The following CACNG8 variants were observed in gnomAD, a reference collection of about 807,000 sequenced individuals.
The protein encoded by CACNG8 is calcium voltage-gated channel auxiliary subunit gamma 8, also known as voltage-dependent calcium channel gamma-8 subunit.
A neutral mutation model predicts 26.9 loss-of-function variants in CACNG8; 5 were observed. The ratio of observed to expected loss-of-function variants is 0.19; its 90% CI spans 0.10 to 0.39. The LOEUF (loss-of-function observed/expected upper bound fraction) is 0.39, where lower values mean the gene tolerates loss of function less well. CACNG8 is among the 10% of genes least tolerant of loss of function. The pLI, the probability that CACNG8 is intolerant of heterozygous loss-of-function variation, is 1.00. For missense variants in CACNG8, 473 were observed against 609.4 expected (o/e 0.78, Z 2.36); for synonymous variants, 321 against 296.7 (o/e 1.08, Z -0.84).
rs1362217331 is a variant in CACNG8 at position 53,978,202 on chromosome 19, G to A, written c.340G>A (p.Asp114Asn). 1 of 1,612,992 alleles carries A rather than the reference G, an allele frequency of 6.2e-7. No individual in the cohort carries two copies. The highest frequency in any genetic ancestry group is 8.5e-7 in the Non-Finnish European group (1 of 1,179,764). ...TCATTTCCCGGAGGACACGGACTAC[G>A]ACCACGACAGCGCGGAGTATCTACT... The change falls in exon 2 of 4, where the codon GAC becomes AAC. Residue 114 changes from aspartate (D) to asparagine (N), a missense_variant. Asp to Asn is a conservative substitution (Grantham distance 23). This residue lies in a region of CACNG8 where 155 missense variants were observed against 253.0 expected (regional missense o/e 0.61). Coordinates refer to ENST00000270458, the MANE Select transcript of CACNG8 (RefSeq NM_031895.6).
chr19:53,989,326 G>A lies in CACNG8; in HGVS notation c.*6477G>A, dbSNP rs2069426430. On this transcript the variant is annotated 3_prime_UTR_variant, in exon 4 of 4. Coordinates refer to ENST00000270458, the MANE Select transcript of CACNG8 (RefSeq NM_031895.6). The stretch of plus-strand genomic sequence containing the variant: ...GTCAAAGACAAGAAGGTGATACAGA[G>A]AAGACAGAAAAGGAGGAGGAGAGAG... The A allele has an allele frequency of 6.6e-6, 1 of 152,526 alleles. No individual in the cohort carries two copies. The allele number at this position is 152,526 out of a possible 1,614,324, so 9.4% of individuals were successfully genotyped here. A position where few individuals can be genotyped will look rare whatever the true frequency, so the allele number is the denominator to read the frequency against.
intron 1 of CACNG8, among the ~76,000 whole-genome samples, chr19:53,975,815 A>C (rs1487952597): frequency 6.6e-6 from 1 of 152,242 alleles, no homozygotes; most frequent in Non-Finnish European, 1.5e-5. Flanking sequence ...TGTTGCCACC[A>C]TCAGCTGCGA....
At chr19:53,965,388 C>T (rs760754340) in intron 1 of CACNG8, among the ~76,000 whole-genome samples, 2 of 152,010 alleles carry the variant, frequency 1.3e-5, no homozygotes, top group South Asian at 2.1e-4. Context: ...CCATCTGCTC[C>T]GTCTCGCCTC....
rs374013101 is a variant in CACNG8, at chr19:53,968,551, C to T, written c.283+5126C>T. On this transcript the variant is annotated intron_variant, in intron 1 of 3. Transcript: ENST00000270458. The stretch of plus-strand genomic sequence containing the variant: ...TTGGGAGGCTGAGACAGGCGGATCA[C>T]GAGGTCAGGAGTTCGAGACCAGCCT... Among the ~76,000 whole-genome samples, 18 of 151,630 alleles carry T rather than the reference C, an allele frequency of 1.2e-4. No individual in the cohort carries two copies. In the East Asian group the frequency reaches 1.6e-3, roughly 13 times the overall value.
At chr19:53,973,969 A>G (rs1163648828) in intron 1 of CACNG8, among the ~76,000 whole-genome samples, 16 of 152,218 alleles carry the variant, frequency 1.1e-4, no homozygotes, top group Admixed American at 6.5e-5. Context: ...ATTCATTTTG[A>G]TAATTGTAGT....
rs1187293199 is a variant in CACNG8, at chr19:53,963,019, C to T, written c.-124C>T. ...GCCTCCTCCTCGCCGCCCCCCTCCC[C>T]AGCCCCGCCGGCCCCGGGCCCCCCG... On this transcript the variant is annotated 5_prime_UTR_variant, in exon 1 of 4. Transcript: ENST00000270458. 1 of 359,934 alleles carries T rather than the reference C, an allele frequency of 2.8e-6. No individual in the cohort carries two copies. The highest frequency in any genetic ancestry group is 5.0e-5 in the East Asian group (1 of 20,084). The allele number at this position is 359,934 out of a possible 1,614,324, so 22.3% of individuals were successfully genotyped here. A position where few individuals can be genotyped will look rare whatever the true frequency, so the allele number is the denominator to read the frequency against.
chr19:53,981,136 G>T (rs1335127855), intron 3 of CACNG8, among the ~76,000 whole-genome samples: 1 of 152,176 alleles, frequency 6.6e-6, no homozygotes. Flanking sequence ...GCCTAGAATG[G>T]ATACTCCGGC....
intron 2 of CACNG8, 136 bp from the exon 3 acceptor site, chr19:53,979,731 C>A: frequency 1.1e-6 from 1 of 883,100 alleles, no homozygotes; most frequent in Non-Finnish European, 1.6e-6. Context: ...GTAAAATAAA[C>A]CAGAACACAG....
At chr19:53,974,766 C>G (rs1246696930) in intron 1 of CACNG8, among the ~76,000 whole-genome samples, 1 of 151,748 alleles carries the variant, frequency 6.6e-6, no homozygotes, top group East Asian at 1.9e-4. Flanking sequence ...CTCAGCCTCC[C>G]AAGTAGCTGG....
intron 1 of CACNG8, among the ~76,000 whole-genome samples, chr19:53,964,931 C>G (rs532777434): frequency 5.3e-5 from 8 of 152,268 alleles, no homozygotes; most frequent in African/African-American, 1.9e-4. Flanking sequence ...AAATCTCTTG[C>G]TTCTCTTTTT....
At position 53,975,411 on chromosome 19, in the gene CACNG8, G is replaced by A. The variant is rs150316100; in HGVS notation, c.284-2735G>A. ...TTTTTCTTTTTTGAGACTGAGTCTC[G>A]CTCTCTCGCCCAGGCTGGAGTGCAG... On this transcript the variant is annotated intron_variant, in intron 1 of 3. Transcript: ENST00000270458. 7.4e-3 allele frequency among the ~76,000 whole-genome samples: 1,092 copies of A among 147,266 alleles called. 6 individuals carry two copies. The highest frequency in any genetic ancestry group is 0.026 in the African/African-American group (1,032 of 39,996).
chr19:53,970,689 T>C (rs1350219540), intron 1 of CACNG8, among the ~76,000 whole-genome samples: 1 of 151,882 alleles, frequency 6.6e-6, no homozygotes, highest in Non-Finnish European at 1.5e-5. Flanking sequence ...TCCCAGCATT[T>C]TGGGAGGCCG....
chr19:53,978,316 G>A, intron 2 of CACNG8, 87 bp downstream of exon 2: 1 of 989,936 alleles, frequency 1.0e-6, no homozygotes, highest in South Asian at 1.4e-5. Flanking sequence ...AAAAGGCACT[G>A]GGACTCCGGC....
Position 53,980,034 on chromosome 19 carries a change from G to A in CACNG8, c.508+27G>A, listed in dbSNP as rs545217332. 7 of 1,582,622 alleles carry A rather than the reference G, an allele frequency of 4.4e-6. No individual in the cohort carries two copies. The East Asian group carries it at 9.1e-5, about 21-fold the overall frequency. On this transcript the variant is annotated intron_variant, in intron 3 of 3. Coordinates refer to ENST00000270458, the MANE Select transcript of CACNG8 (RefSeq NM_031895.6). ...TGAGAGGCAGAGGGAGGGGGCGACCGGGGCGGCCCACCTGGGCGCGCACGT... is the reference window on the plus strand; with the variant it reads ...TGAGAGGCAGAGGGAGGGGGCGACCAGGGCGGCCCACCTGGGCGCGCACGT...
intron 1 of CACNG8, 53 bp from the exon 2 acceptor site, chr19:53,978,093 C>A (rs538161508): frequency 1.0e-4 from 130 of 1,265,958 alleles, no homozygotes; most frequent in Middle Eastern, 9.3e-4. Flanking sequence ...GGGGTTGCCC[C>A]GCCCCCAACC....
chr19:53,984,846 A>G lies in CACNG8; in HGVS notation c.*1997A>G, dbSNP rs2885498. The G allele has an allele frequency of 0.73, 110,900 of 151,882 alleles. 40,690 individuals carry two copies. The highest frequency in any genetic ancestry group is 0.88 in the East Asian group (4,539 of 5,160). The allele number at this position is 151,882 out of a possible 1,614,324, so 9.4% of individuals were successfully genotyped here. On this transcript the variant is annotated 3_prime_UTR_variant, in exon 4 of 4. Transcript: ENST00000270458. ...AGCACACCTGTGGACACAGCTACTC[A>G]GGAGGCTGAGGGAGGAGGACCATTT...
intron 2 of CACNG8, among the ~76,000 whole-genome samples, chr19:53,979,566 G>C (rs1400794419): frequency 7.2e-5 from 11 of 151,998 alleles, no homozygotes; most frequent in Non-Finnish European, 8.8e-5. Context: ...GAGAAAAACA[G>C]GGAGAGTGAT....
chr19:53,970,842 G>A (rs1254461079), intron 1 of CACNG8, among the ~76,000 whole-genome samples: 1 of 151,158 alleles, frequency 6.6e-6, no homozygotes, highest in Non-Finnish European at 1.5e-5. Context: ...TGAGGTAGAA[G>A]GATTGCTTGA....
At chr19:53,967,119 A>G (rs2069276194) in intron 1 of CACNG8, among the ~76,000 whole-genome samples, 1 of 152,176 alleles carries the variant, frequency 6.6e-6, no homozygotes, top group African/African-American at 2.4e-5. Flanking sequence ...GGATGCCAGC[A>G]GCGCCCTTCC....
Sources: gnomAD v4.1 joint callset for allele counts (sites outside exome capture counted in the v4.1 genomes callset) on GRCh38, gnomAD v4.1.1 for gene constraint, gnomAD v4.1.1 regional missense constraint, MANE v1.5 for transcripts, NCBI Gene and HGNC (gene_info 2026-07-23, HGNC 2026-07-21) for gene names.